IMMP2L: variants seen among roughly 807,000 people sequenced by gnomAD.
The protein encoded by IMMP2L is mitochondrial inner membrane protease subunit 2.
In IMMP2L, 18 loss-of-function variants were observed where a neutral mutation model predicts 19.3. The ratio of observed to expected loss-of-function variants is 0.93; its 90% CI spans 0.64 to 1.38. The LOEUF is 1.38. Among genes scored for constraint, IMMP2L ranks in the 40% most tolerant of loss-of-function variants. IMMP2L has a pLI of 0.00. For synonymous variants in IMMP2L, 76 were observed against 73.0 expected, an observed-to-expected ratio of 1.04 and a Z score of -0.21; for missense variants, 233 against 218.2, an observed-to-expected ratio of 1.07 and a Z score of -0.43.
intron 3 of IMMP2L, among the ~76,000 whole-genome samples, chr7:111,224,114 T>A (rs942487331): frequency 1.3e-5 from 2 of 152,058 alleles, no homozygotes; most frequent in Admixed American, 1.3e-4. Context: ...TCTCTCAACC[T>A]GGGTTTACTC....
intron 1 of IMMP2L, among the ~76,000 whole-genome samples, chr7:111,544,610 CT>C (rs759125895): frequency 5.3e-5 from 8 of 152,064 alleles, no homozygotes; most frequent in African/African-American, 9.7e-5. Flanking sequence ...ACGTCATCTG[CT>C]TTTTGTATTC....
intron 3 of IMMP2L, among the ~76,000 whole-genome samples, chr7:111,270,305 T>C (rs1008235891): frequency 7.9e-5 from 12 of 152,182 alleles, no homozygotes; most frequent in Admixed American, 6.5e-4. Flanking sequence ...CCCATTATGA[T>C]AAACTTCAGT....
intron 5 of IMMP2L, among the ~76,000 whole-genome samples, chr7:110,748,448 C>T (rs979178076): frequency 6.6e-6 from 1 of 152,134 alleles, no homozygotes. Context: ...CAAGACAATG[C>T]TAAGCAGAAA....
chr7:110,802,484 AT>A (rs1263741210), intron 5 of IMMP2L, among the ~76,000 whole-genome samples: 13 of 151,704 alleles, frequency 8.6e-5, no homozygotes, highest in African/African-American at 2.9e-4. Context: ...TACCATTATT[AT>A]TTTGTAATTT....
intron 3 of IMMP2L, chr7:111,100,058 A>T (rs1797807442): frequency 1.3e-5 from 2 of 151,694 alleles, no homozygotes; most frequent in African/African-American, 4.8e-5. Context: ...CACTCATTGG[A>T]AAGGTCCTGA....
At chr7:111,288,826 TA>T (rs1288486453) in intron 3 of IMMP2L, among the ~76,000 whole-genome samples, 1 of 152,104 alleles carries the variant, frequency 6.6e-6, no homozygotes, top group African/African-American at 2.4e-5. Flanking sequence ...GGTGGGAGTG[TA>T]AATTAGTTCA....
chr7:111,025,175 C>T (rs2129567666), intron 3 of IMMP2L, among the ~76,000 whole-genome samples: 1 of 152,136 alleles, frequency 6.6e-6, no homozygotes, highest in East Asian at 1.9e-4. Context: ...TTGAACAAAC[C>T]AGAAACTCAG....
At chr7:111,412,866 A>C (rs2131529957) in intron 3 of IMMP2L, among the ~76,000 whole-genome samples, 1 of 151,898 alleles carries the variant, frequency 6.6e-6, no homozygotes, top group Non-Finnish European at 1.5e-5. Context: ...ACAAGGTAGA[A>C]AAAGAAAAGC....
chr7:110,809,102 A>C (rs1801840897), intron 5 of IMMP2L, among the ~76,000 whole-genome samples: 1 of 152,038 alleles, frequency 6.6e-6, no homozygotes. Context: ...TTTCAACTTC[A>C]CATCATTTTT....
intron 3 of IMMP2L, among the ~76,000 whole-genome samples, chr7:111,436,482 C>T (rs1003710722): frequency 9.9e-5 from 15 of 151,790 alleles, no homozygotes; most frequent in African/African-American, 2.4e-4. Flanking sequence ...TAAGACAGTA[C>T]GGACTTGTCT....
rs114575124 is a variant in IMMP2L at position 111,277,239 on chromosome 7, G to A, written c.239+209999C>T. Among the ~76,000 whole-genome samples the A allele has an allele frequency of 8.8e-3, 1,339 of 151,434 alleles. 22 individuals carry two copies. The highest frequency in any genetic ancestry group is 0.031 in the African/African-American group (1,260 of 41,248). On this transcript the variant is annotated intron_variant, in intron 3 of 5. Coordinates refer to ENST00000405709, the MANE Select transcript of IMMP2L (RefSeq NM_032549.4). ...AGGGCTAATATCCAGAACCTACAACGAACTCAAACAACTCTACAAGATAAA... is the reference window on the plus strand; with the variant it reads ...AGGGCTAATATCCAGAACCTACAACAAACTCAAACAACTCTACAAGATAAA...
Position 111,198,189 on chromosome 7 carries a change from G to GA in IMMP2L, c.240-234625dup, listed in dbSNP as rs369833276. Among the ~76,000 whole-genome samples the GA allele has an allele frequency of 3.9e-3, 590 of 151,932 alleles. 5 individuals carry two copies. The highest frequency in any genetic ancestry group is 0.014 in the African/African-American group (561 of 41,468). ...AGACAGACTTTCTTTTACTCATTTT[G>GA]AAAAAAGAAAAAAATGCTCTCTCTA... On this transcript the variant is annotated intron_variant, in intron 3 of 5. Coordinates refer to ENST00000405709, the MANE Select transcript of IMMP2L (RefSeq NM_032549.4).
chr7:110,937,342 A>T (rs1011668416), intron 4 of IMMP2L, among the ~76,000 whole-genome samples: 1 of 152,148 alleles, frequency 6.6e-6, no homozygotes, highest in African/African-American at 2.4e-5. Flanking sequence ...ATATGGCATT[A>T]AGAGGAGTGG....
intron 3 of IMMP2L, among the ~76,000 whole-genome samples, chr7:111,327,851 C>A (rs998183397): frequency 9.2e-5 from 14 of 151,508 alleles, no homozygotes; most frequent in Admixed American, 5.9e-4. Context: ...TCTTAATTCT[C>A]CAGATTTCTA....
chr7:110,812,341 G>GC (rs1470019923), intron 5 of IMMP2L, among the ~76,000 whole-genome samples: 2 of 152,130 alleles, frequency 1.3e-5, no homozygotes, highest in East Asian at 3.9e-4. Context: ...GCTCATTTCT[G>GC]ATCACCCTCT....
chr7:110,920,969 T>A (rs895360843), intron 4 of IMMP2L, among the ~76,000 whole-genome samples: 10 of 152,196 alleles, frequency 6.6e-5, no homozygotes, highest in Admixed American at 2.0e-4. Flanking sequence ...TCCTGTGAAG[T>A]CCTTTTTCTT....
chr7:111,555,611 CT>C (rs1161900774), intron 1 of IMMP2L, among the ~76,000 whole-genome samples: 1 of 151,896 alleles, frequency 6.6e-6, no homozygotes, highest in African/African-American at 2.4e-5. Flanking sequence ...ATGTATTTGA[CT>C]TTTTTTTAAG....
intron 3 of IMMP2L, among the ~76,000 whole-genome samples, chr7:111,394,698 A>T (rs1832701285): frequency 6.6e-6 from 1 of 152,288 alleles, no homozygotes; most frequent in African/African-American, 2.4e-5. Flanking sequence ...CGTCCCTGTC[A>T]CTAGCTACCA....
chr7:110,763,269 G>A (rs1317003348), intron 5 of IMMP2L, among the ~76,000 whole-genome samples: 1 of 152,076 alleles, frequency 6.6e-6, no homozygotes, highest in East Asian at 1.9e-4. Context: ...TTAGCTTCCT[G>A]AAGAAATGAA....
Sources: allele counts gnomAD v4.1 joint callset (sites outside exome capture counted in the v4.1 genomes callset), GRCh38; gene constraint gnomAD v4.1.1; transcripts MANE v1.5; gene names NCBI Gene and HGNC (gene_info 2026-07-23, HGNC 2026-07-21).